SLC35A1: variants seen among roughly 807,000 people sequenced by gnomAD.
SLC35A1 encodes CMP-sialic acid transporter.
Under a neutral mutation model 40.3 loss-of-function variants are expected in SLC35A1, and 21 were observed. The observed-to-expected ratio is 0.52, with a 90% CI of 0.37 to 0.75. SLC35A1 has a LOEUF of 0.75. Ranked by LOEUF, SLC35A1 falls within the 30% of genes least tolerant of loss-of-function variation. The probability of loss-of-function intolerance (pLI) is 0.00; values close to 1 mark genes in which losing one functional copy is unlikely to be tolerated. For missense variants in SLC35A1, 297 were observed against 382.1 expected (o/e 0.78, Z 1.86); for synonymous variants, 146 against 147.3 (o/e 0.99, Z 0.06).
intron 7 of SLC35A1, 140 bp downstream of exon 7, chr6:87,509,315 A>G: frequency 3.7e-6 from 4 of 1,082,734 alleles, no homozygotes; most frequent in Non-Finnish European, 5.6e-6. Flanking sequence ...TTATTCCACC[A>G]GTACAGCTGT....
chr6:87,481,852 G>A (rs1436312927), intron 2 of SLC35A1, among the ~76,000 whole-genome samples: 1 of 152,098 alleles, frequency 6.6e-6, no homozygotes, highest in Non-Finnish European at 1.5e-5. Flanking sequence ...AGCCAATATG[G>A]TTACACACAG....
rs976513314 is a variant in SLC35A1, at chr6:87,494,053, T to C, written c.195-6455T>C. On this transcript the variant is annotated intron_variant, in intron 2 of 7. Coordinates refer to ENST00000369552, the MANE Select transcript of SLC35A1 (RefSeq NM_006416.5). ...AGAGATTGCTGGGCCTTGTGTGTGA[T>C]GTACACTGTACCCCACTTTCCTTTT... is the stretch of plus-strand genomic sequence containing the variant. Among the ~76,000 whole-genome samples the C allele has an allele frequency of 5.8e-4, 86 of 148,040 alleles. 1 individual carries two copies. Among genetic ancestry groups the C allele is most frequent in the African/African-American group, 2.0e-3 (80 of 40,098 alleles).
chr6:87,485,463 T>A (rs542864782), intron 2 of SLC35A1, among the ~76,000 whole-genome samples: 1 of 152,244 alleles, frequency 6.6e-6, no homozygotes, highest in Admixed American at 6.5e-5. Flanking sequence ...AGGAGAAAAA[T>A]TAAGAAGAAC....
At chr6:87,489,407 C>T (rs1262443840) in intron 2 of SLC35A1, among the ~76,000 whole-genome samples, 1 of 152,018 alleles carries the variant, frequency 6.6e-6, no homozygotes, top group Non-Finnish European at 1.5e-5. Flanking sequence ...CCAGGATGCT[C>T]CTCATGTTTT....
chr6:87,490,130 G>A (rs1376641558), intron 2 of SLC35A1, among the ~76,000 whole-genome samples: 1 of 151,818 alleles, frequency 6.6e-6, no homozygotes, highest in African/African-American at 2.4e-5. Flanking sequence ...TTCAGGGGCT[G>A]AGGCAGGAGG....
At chr6:87,509,349 A>G (rs1463000455) in intron 7 of SLC35A1, among the ~76,000 whole-genome samples, 174 bp downstream of exon 7, 1 of 152,158 alleles carries the variant, frequency 6.6e-6, no homozygotes, top group African/African-American at 2.4e-5. Context: ...GGATGTGGCT[A>G]AGCAGTACTT....
intron 2 of SLC35A1, among the ~76,000 whole-genome samples, chr6:87,495,877 G>A (rs867718196): frequency 4.6e-5 from 7 of 151,988 alleles, no homozygotes; most frequent in African/African-American, 1.7e-4. Context: ...GGATGGTCTC[G>A]ATCTCCTGAC....
At position 87,501,261 on chromosome 6, in the gene SLC35A1, CTGG is replaced by C. The variant is rs778308988; in HGVS notation, c.459_461del (p.Gly154del). 6.2e-7 allele frequency: 1 copy of C among 1,613,986 alleles called. No homozygotes were observed. The highest frequency in any genetic ancestry group is 8.5e-7 in the Non-Finnish European group (1 of 1,179,982). On this transcript the variant is annotated inframe_deletion, in exon 4 of 8. Transcript: ENST00000369552. ...TGGGTTTCAGTTTTTATGCTGTGTG[CTGG>C]AGTTACGCTTGTACAGTGGAAACCA...
intron 2 of SLC35A1, among the ~76,000 whole-genome samples, chr6:87,500,111 TATAAAA>T (rs202056233): frequency 0.012 from 1,838 of 152,142 alleles, 36 homozygotes; most frequent in African/African-American, 0.042. Context: ...CAAAAATAAA[TATAAAA>T]ATAAAAATGG....
chr6:87,498,300 G>A (rs1769803620), intron 2 of SLC35A1, among the ~76,000 whole-genome samples: 1 of 152,082 alleles, frequency 6.6e-6, no homozygotes, highest in Admixed American at 6.6e-5. Context: ...ACTTCATACA[G>A]TCTGTAAAAT....
intron 4 of SLC35A1, among the ~76,000 whole-genome samples, chr6:87,503,823 TC>T (rs1427048766): frequency 6.6e-6 from 1 of 152,162 alleles, no homozygotes; most frequent in Admixed American, 6.6e-5. Flanking sequence ...AGTAAGGAAA[TC>T]TGGTATGTTT....
intron 5 of SLC35A1, among the ~76,000 whole-genome samples, chr6:87,506,669 C>G (rs1035548431): frequency 3.9e-5 from 6 of 152,154 alleles, no homozygotes; most frequent in Non-Finnish European, 7.4e-5. Flanking sequence ...TTAACTACTT[C>G]TGTTATCCTT....
chr6:87,489,966 C>A (rs775082907), intron 2 of SLC35A1, among the ~76,000 whole-genome samples: 2 of 151,844 alleles, frequency 1.3e-5, no homozygotes, highest in African/African-American at 4.8e-5. Flanking sequence ...TAGTGGCTCA[C>A]ACCTGTAATC....
chr6:87,501,335 A>G, intron 4 of SLC35A1, 25 bp downstream of exon 4: 1 of 1,607,078 alleles, frequency 6.2e-7, no homozygotes, highest in Non-Finnish European at 8.5e-7. Context: ...GCACACCATA[A>G]CTTCCCATAA....
chr6:87,500,455 C>T (rs2127974212), intron 2 of SLC35A1, 53 bp from the exon 3 acceptor site: 1 of 1,549,338 alleles, frequency 6.5e-7, no homozygotes, highest in Non-Finnish European at 8.9e-7. Flanking sequence ...TAAAATAATA[C>T]TCTTTAATTT....
At chr6:87,494,383 C>A (rs1262572194) in intron 2 of SLC35A1, among the ~76,000 whole-genome samples, 6 of 151,250 alleles carry the variant, frequency 4.0e-5, no homozygotes, top group Non-Finnish European at 8.8e-5. Context: ...ATTGCGAAAG[C>A]TGTACATGTA....
intron 2 of SLC35A1, among the ~76,000 whole-genome samples, chr6:87,484,371 T>G (rs1250007910): frequency 6.6e-6 from 1 of 152,174 alleles, no homozygotes; most frequent in Non-Finnish European, 1.5e-5. Flanking sequence ...AATTTTCTTT[T>G]TTTCTTCCCA....
At chr6:87,482,182 T>G (rs1357516981) in intron 2 of SLC35A1, among the ~76,000 whole-genome samples, 2 of 152,198 alleles carry the variant, frequency 1.3e-5, no homozygotes, top group African/African-American at 4.8e-5. Flanking sequence ...AAATAACCAG[T>G]TAATTTATTT....
At chr6:87,506,849 T>G (rs1247790184) in intron 5 of SLC35A1, 1 of 245,396 alleles carries the variant, frequency 4.1e-6, no homozygotes, top group East Asian at 1.0e-4. Flanking sequence ...TTTTTTCCCC[T>G]ATAACCTCAA....
Sources: allele counts gnomAD v4.1 joint callset (sites outside exome capture counted in the v4.1 genomes callset), GRCh38; gene constraint gnomAD v4.1.1; transcripts MANE v1.5; gene names NCBI Gene and HGNC (gene_info 2026-07-23, HGNC 2026-07-21).